Variants in EPHA3 observed in about 807,000 individuals in gnomAD.
EPHA3 encodes EPH receptor A3.
A neutral mutation model predicts 107.1 loss-of-function variants in EPHA3; 42 were observed. The ratio of observed to expected loss-of-function variants is 0.39; its 90% CI spans 0.31 to 0.51. The LOEUF (loss-of-function observed/expected upper bound fraction) is 0.51. Ranked by LOEUF, EPHA3 falls within the 20% of genes least tolerant of loss-of-function variation. The pLI is 0.78. For synonymous variants in EPHA3, 461 were observed against 424.8 expected (o/e 1.09, Z -1.05); for missense variants, 1,183 against 1,211.2 (o/e 0.98, Z 0.35).
intron 3 of EPHA3, among the ~76,000 whole-genome samples, chr3:89,304,708 A>C (rs1706569893): frequency 6.6e-6 from 1 of 152,130 alleles, no homozygotes; most frequent in Admixed American, 6.6e-5. Context: ...TTATTATATC[A>C]TACAAACAAT....
chr3:89,188,139 C>T (rs576035574), intron 2 of EPHA3, among the ~76,000 whole-genome samples: 2 of 152,254 alleles, frequency 1.3e-5, no homozygotes, highest in South Asian at 4.1e-4. Flanking sequence ...TAAATGGATA[C>T]ATTCTTGTTT....
At chr3:89,412,608 T>C (rs1223704757) in intron 9 of EPHA3, among the ~76,000 whole-genome samples, 1 of 151,682 alleles carries the variant, frequency 6.6e-6, no homozygotes, top group African/African-American at 2.4e-5. Context: ...GACATTTTGA[T>C]TGTGAATGTT....
intron 3 of EPHA3, among the ~76,000 whole-genome samples, chr3:89,257,493 C>A (rs940349228): frequency 1.3e-5 from 2 of 152,036 alleles, no homozygotes; most frequent in Admixed American, 1.3e-4. Context: ...ATAGTTGATT[C>A]CTCATTTGAA....
intron 15 of EPHA3, among the ~76,000 whole-genome samples, chr3:89,461,155 C>T (rs1365008319): frequency 4.4e-4 from 42 of 94,804 alleles, no homozygotes; most frequent in African/African-American, 2.0e-3. Flanking sequence ...AGGATATGAA[C>T]TCATCATTTT....
chr3:89,162,486 T>C (rs1489616891), intron 2 of EPHA3, among the ~76,000 whole-genome samples: 1 of 152,214 alleles, frequency 6.6e-6, no homozygotes, highest in Non-Finnish European at 1.5e-5. Context: ...CACTCAGTAT[T>C]GTTCTCTTCC....
chr3:89,114,945 C>CT (rs1707218326), intron 1 of EPHA3, among the ~76,000 whole-genome samples: 1 of 152,228 alleles, frequency 6.6e-6, no homozygotes, highest in South Asian at 2.1e-4. Context: ...TACGATCGCC[C>CT]TGCCGCCTTT....
intron 3 of EPHA3, among the ~76,000 whole-genome samples, chr3:89,260,266 A>G (rs1170408916): frequency 1.3e-5 from 2 of 152,226 alleles, no homozygotes; most frequent in Admixed American, 6.5e-5. Flanking sequence ...GCTCTTTTCC[A>G]CAATGGCTTT....
chr3:89,159,173 G>C (rs1315033131), intron 2 of EPHA3, among the ~76,000 whole-genome samples: 1 of 152,042 alleles, frequency 6.6e-6, no homozygotes, highest in Non-Finnish European at 1.5e-5. Context: ...TAGGCATTTT[G>C]ATAATCAAAG....
intron 2 of EPHA3, among the ~76,000 whole-genome samples, chr3:89,195,627 CT>C (rs1317804983): frequency 6.6e-6 from 1 of 152,152 alleles, no homozygotes; most frequent in Non-Finnish European, 1.5e-5. Flanking sequence ...TAAAATATTT[CT>C]CTCATTCAAA....
chr3:89,361,366 A>G (rs527594251), intron 5 of EPHA3, among the ~76,000 whole-genome samples: 1 of 151,008 alleles, frequency 6.6e-6, no homozygotes, highest in South Asian at 2.1e-4. Flanking sequence ...TGTTCAGTAC[A>G]TGATATATTT....
At chr3:89,186,903 G>A (rs981859688) in intron 2 of EPHA3, among the ~76,000 whole-genome samples, 8 of 152,020 alleles carry the variant, frequency 5.3e-5, no homozygotes, top group Admixed American at 3.9e-4. Context: ...CCTGGAATAT[G>A]TTTTTAATCT....
chr3:89,108,327 G>T (rs140741713), intron 1 of EPHA3, among the ~76,000 whole-genome samples: 1 of 152,146 alleles, frequency 6.6e-6, no homozygotes, highest in African/African-American at 2.4e-5. Flanking sequence ...AGAGTTTGTC[G>T]AAGCGGAGGT....
chr3:89,472,409 A>C, intron 15 of EPHA3, 55 bp from the exon 16 acceptor site: 1 of 1,558,300 alleles, frequency 6.4e-7, no homozygotes, highest in Non-Finnish European at 8.7e-7. Flanking sequence ...ATTTTGACAC[A>C]CAGCAACTCT....
chr3:89,287,082 A>G (rs1706105592), intron 3 of EPHA3, among the ~76,000 whole-genome samples: 1 of 152,220 alleles, frequency 6.6e-6, no homozygotes, highest in Non-Finnish European at 1.5e-5. Flanking sequence ...CAAATGGATT[A>G]CTTAATTTTC....
chr3:89,231,699 A>G lies in EPHA3; in HGVS notation c.814+21179A>G, dbSNP rs1362813635. Among the ~76,000 whole-genome samples the G allele has an allele frequency of 2.0e-5, 3 of 152,292 alleles. No individual in the cohort carries two copies. In the East Asian group the frequency reaches 5.8e-4, roughly 29 times the overall value. On this transcript the variant is annotated intron_variant, in intron 3 of 16. Coordinates refer to ENST00000336596, the MANE Select transcript of EPHA3 (RefSeq NM_005233.6). ...TATGAACTTTAGAAGGGAAAAAATAATATCCTTTCCCCACCCATTATAAAG... is the reference window on the plus strand; with the variant it reads ...TATGAACTTTAGAAGGGAAAAAATAGTATCCTTTCCCCACCCATTATAAAG...
At chr3:89,245,102 A>G (rs369701267) in intron 3 of EPHA3, among the ~76,000 whole-genome samples, 9 of 152,172 alleles carry the variant, frequency 5.9e-5, no homozygotes, top group African/African-American at 1.2e-4. Context: ...CTTTCATTTT[A>G]TTGTTTCTTA....
chr3:89,263,355 C>T (rs1325743192), intron 3 of EPHA3, among the ~76,000 whole-genome samples: 1 of 152,148 alleles, frequency 6.6e-6, no homozygotes. Context: ...GAGGAGGCTG[C>T]CCTCCACCAG....
At chr3:89,205,691 C>CT (rs1471084888) in intron 2 of EPHA3, among the ~76,000 whole-genome samples, 1 of 152,092 alleles carries the variant, frequency 6.6e-6, no homozygotes, top group Admixed American at 6.6e-5. Flanking sequence ...TCCCCTTCTG[C>CT]TGAAGCTGTT....
At chr3:89,451,921 G>T (rs1710001246) in intron 15 of EPHA3, among the ~76,000 whole-genome samples, 1 of 151,634 alleles carries the variant, frequency 6.6e-6, no homozygotes, top group South Asian at 2.1e-4. Flanking sequence ...GTGTGTGTGT[G>T]TTGGTGAGTG....
Sources: allele counts gnomAD v4.1 joint callset (sites outside exome capture counted in the v4.1 genomes callset), GRCh38; gene constraint gnomAD v4.1.1; transcripts MANE v1.5; gene names NCBI Gene and HGNC (gene_info 2026-07-23, HGNC 2026-07-21).